The following TULP3 variants were observed in gnomAD, a reference collection of about 807,000 sequenced individuals.
TULP3 encodes tubby-related protein 3.
TULP3 carries 38 observed loss-of-function variants against 50.7 expected under a neutral mutation model. The observed-to-expected ratio is 0.75, with a 90% CI of 0.58 to 0.98. The LOEUF is 0.98. TULP3 is among the 50% of genes least tolerant of loss of function. The pLI is 0.00. For synonymous variants in TULP3, 183 were observed against 196.6 expected, an observed-to-expected ratio of 0.93 and a Z score of 0.58; for missense variants, 550 against 568.0, an observed-to-expected ratio of 0.97 and a Z score of 0.32.
chr12:2,896,232 G>A (rs1426405349), intron 1 of TULP3, among the ~76,000 whole-genome samples: 1 of 152,180 alleles, frequency 6.6e-6, no homozygotes, highest in East Asian at 1.9e-4. Flanking sequence ...GAGCCACTGT[G>A]CCTGGCTGAC....
In TULP3 at chr12:2,924,883, TA is replaced by T. The variant is rs898383530; in HGVS notation, c.394+2490del. Among the ~76,000 whole-genome samples, 118 of 148,628 alleles carry T rather than the reference TA, an allele frequency of 7.9e-4. No individual in the cohort carries two copies. In the Middle Eastern group the frequency reaches 0.01, roughly 13 times the overall value. The stretch of plus-strand genomic sequence containing the variant: ...ATAAAAATTAAAAATAAAAATTAAT[TA>T]AAAAAAAATAGGGCTGGGCGCTATG... On this transcript the variant is annotated intron_variant, in intron 4 of 10. Transcript: ENST00000448120.
intron 2 of TULP3, among the ~76,000 whole-genome samples, chr12:2,912,453 TC>T (rs1423083118): frequency 1.3e-5 from 2 of 152,152 alleles, no homozygotes; most frequent in African/African-American, 2.4e-5. Flanking sequence ...CGGTGGCACA[TC>T]CTAGCAGTTA....
intron 4 of TULP3, among the ~76,000 whole-genome samples, chr12:2,926,464 A>G (rs1383170419): frequency 1.3e-5 from 2 of 152,256 alleles, no homozygotes; most frequent in Non-Finnish European, 2.9e-5. Flanking sequence ...CCACCTGGGC[A>G]ACAGAGTGAA....
intron 1 of TULP3, among the ~76,000 whole-genome samples, chr12:2,893,614 C>T (rs2098173613): frequency 6.6e-6 from 1 of 152,028 alleles, no homozygotes; most frequent in Non-Finnish European, 1.5e-5. Flanking sequence ...AGCCCCCCAA[C>T]CCTGCCTGGC....
intron 2 of TULP3, among the ~76,000 whole-genome samples, chr12:2,912,016 A>T (rs2041310): frequency 0.48 from 72,424 of 151,660 alleles, 17,755 homozygotes; most frequent in African/African-American, 0.6. Context: ...AATGCCAATA[A>T]GTGCTTAAGA....
Position 2,940,366 on chromosome 12 carries a change from C to G in TULP3, c.*922C>G. The G allele has an allele frequency of 6.9e-7, 1 of 1,451,684 alleles. No individual in the cohort carries two copies. The highest frequency in any genetic ancestry group is 9.0e-7 in the Non-Finnish European group (1 of 1,107,908). 89.9% of individuals were successfully genotyped at this position (1,451,684 alleles called of 1,614,324 possible). A position where few individuals can be genotyped will look rare whatever the true frequency, so the allele number is the denominator to read the frequency against. On this transcript the variant is annotated 3_prime_UTR_variant, in exon 11 of 11. Transcript: ENST00000448120. ...TGGCAGGAGAGGCTTTGGGGAGGAT[C>G]AGCCAGCAGACATGAGCACTGCTGG...
chr12:2,940,634 C>A lies in TULP3; in HGVS notation c.*1190C>A. On this transcript the variant is annotated 3_prime_UTR_variant, in exon 11 of 11. Transcript: ENST00000448120. ...AACTGTTTGCCAGCGTTGGGTGGGA[C>A]ACCCGTGGCGGCTGCTCCCTCAGAC... 1 of 1,551,756 alleles carries A rather than the reference C, an allele frequency of 6.4e-7. No homozygotes were observed. The highest frequency in any genetic ancestry group is 8.7e-7 in the Non-Finnish European group (1 of 1,147,006).
In TULP3 at chr12:2,938,235, G is replaced by A. The variant is rs764071522; in HGVS notation, c.1145G>A (p.Arg382Gln). 7 of 1,614,108 alleles carry A rather than the reference G, an allele frequency of 4.3e-6. No homozygotes were observed. The highest frequency in any genetic ancestry group is 2.2e-5 in the South Asian group (2 of 91,076). ...TQSYVLNFRG[R>Q]VTQASVKNFQ... is the part of the protein sequence containing the mutation. ...TCCTATGTCCTCAACTTCCGTGGCCGGGTCACTCAGGCGTCTGTGAAGAAC... is the reference window on the plus strand; with the variant it reads ...TCCTATGTCCTCAACTTCCGTGGCCAGGTCACTCAGGCGTCTGTGAAGAAC... Residue 382 changes from arginine (R) to glutamine (Q), a missense_variant, in exon 10 of 11, where the codon CGG becomes CAG. Transcript: ENST00000448120.
chr12:2,927,366 AT>A lies in TULP3; in HGVS notation c.395-2864del, dbSNP rs71057864. ...GGACCTATGTTTTCAGTTGAGACTG[AT>A]TTTTTTTTTTTTTTTTTGAGACCAA... On this transcript the variant is annotated intron_variant, in intron 4 of 10. Transcript: ENST00000448120. Among the ~76,000 whole-genome samples, 454 of 105,178 alleles carry A rather than the reference AT, an allele frequency of 4.3e-3. 6 individuals carry two copies. Among genetic ancestry groups the A allele is most frequent in the African/African-American group, 0.01 (258 of 25,760 alleles). 69.0% of individuals were successfully genotyped at this position (105,178 alleles called of 152,430 possible).
In TULP3 at chr12:2,893,327, G is replaced by GGTT. The variant is rs1555110454; in HGVS notation, c.41+2339_41+2340insGTT. 2.5e-3 allele frequency among the ~76,000 whole-genome samples: 322 copies of GGTT among 128,166 alleles called. 3 individuals are homozygous for GGTT. Among genetic ancestry groups the GGTT allele is most frequent in the Middle Eastern group, 0.012 (3 of 252 alleles). 84.1% of individuals were successfully genotyped at this position (128,166 alleles called of 152,430 possible). A position where few individuals can be genotyped will look rare whatever the true frequency, so the allele number is the denominator to read the frequency against. On this transcript the variant is annotated intron_variant, in intron 1 of 10. Coordinates refer to ENST00000448120, the MANE Select transcript of TULP3 (RefSeq NM_003324.5). Reference sequence around the variant, plus strand: ...GGGCTTCAGGTTGTGTGTTTAATGTGTTTTTTTTTTTTTTTTTCCAAACGG... The same window carrying GGTT: ...GGGCTTCAGGTTGTGTGTTTAATGTGGTTTTTTTTTTTTTTTTTTTCCAAACGG...
rs536491982 is a variant in TULP3 at position 2,904,805 on chromosome 12, G to T, written c.42-4724G>T. On this transcript the variant is annotated intron_variant, in intron 1 of 10. Transcript: ENST00000448120. ...TAACTAAGTTAAAATGAAGGAAAGAGAATATTAACACAGGCCGGGCATGGT... is the reference window on the plus strand; with the variant it reads ...TAACTAAGTTAAAATGAAGGAAAGATAATATTAACACAGGCCGGGCATGGT... Among the ~76,000 whole-genome samples the T allele has an allele frequency of 2.6e-5, 4 of 152,194 alleles. No individual in the cohort carries two copies. The East Asian group carries it at 5.8e-4, about 22-fold the overall frequency.
intron 4 of TULP3, among the ~76,000 whole-genome samples, chr12:2,926,021 A>AT (rs1261248740): frequency 3.3e-5 from 5 of 152,192 alleles, no homozygotes; most frequent in Non-Finnish European, 5.9e-5. Context: ...AGTTTGGCAG[A>AT]TTATGTCCCT....
At chr12:2,914,786 C>G (rs544712313) in intron 2 of TULP3, among the ~76,000 whole-genome samples, 1 of 151,924 alleles carries the variant, frequency 6.6e-6, no homozygotes, top group African/African-American at 2.4e-5. Flanking sequence ...GAGTGCACCA[C>G]CACGCCTGGC....
intron 1 of TULP3, among the ~76,000 whole-genome samples, chr12:2,894,538 A>AACACACACACACACAC (rs56834874): frequency 1.6e-3 from 235 of 147,824 alleles, no homozygotes; most frequent in African/African-American, 5.5e-3. Context: ...CCGTCTCAAA[A>AACACACACACACACAC]ACACACACAC....
chr12:2,927,782 A>C (rs2098195546), intron 4 of TULP3, among the ~76,000 whole-genome samples: 1 of 152,216 alleles, frequency 6.6e-6, no homozygotes, highest in Non-Finnish European at 1.5e-5. Context: ...GTGCACAAAA[A>C]GTGGTTCAGA....
At chr12:2,930,194 A>G (rs1039504378) in intron 4 of TULP3, 54 bp from the exon 5 acceptor site, 71 of 1,240,686 alleles carry the variant, frequency 5.7e-5, no homozygotes, top group Admixed American at 1.8e-4. Flanking sequence ...CTTTGTTTCA[A>G]AGACCTTTTT....
chr12:2,939,300 T>G lies in TULP3; in HGVS notation c.1196-11T>G. ...TTATATTCTAACATGTTGATTTCTT[T>G]CTGTTTCTAGCTGATTATATAGTCA... On this transcript the variant is annotated splice_polypyrimidine_tract_variant and intron_variant, in intron 10 of 10. Coordinates refer to ENST00000448120, the MANE Select transcript of TULP3 (RefSeq NM_003324.5). This position sits in a 1 kb window ranked among gnomAD's most constrained non-coding sequence, Gnocchi z 4.0. The G allele has an allele frequency of 6.2e-7, 1 of 1,611,496 alleles. No homozygotes were observed. Among genetic ancestry groups the G allele is most frequent in the Non-Finnish European group, 8.5e-7 (1 of 1,179,388 alleles).
At chr12:2,899,208 G>A (rs2098177364) in intron 1 of TULP3, among the ~76,000 whole-genome samples, 2 of 151,964 alleles carry the variant, frequency 1.3e-5, no homozygotes, top group Admixed American at 1.3e-4. Context: ...AGCCGGGCAT[G>A]GTGGCCCATG....
intron 7 of TULP3, 120 bp downstream of exon 7, chr12:2,933,650 G>C: frequency 2.2e-5 from 10 of 454,688 alleles, no homozygotes; most frequent in Non-Finnish European, 2.9e-5. Context: ...TAAAAAAAAA[G>C]AAAAAGGAAA....
Sources: allele counts gnomAD v4.1 joint callset (sites outside exome capture counted in the v4.1 genomes callset), GRCh38; gene constraint gnomAD v4.1.1; non-coding constraint Gnocchi (gnomAD v3.1); transcripts MANE v1.5; gene names NCBI Gene and HGNC (gene_info 2026-07-23, HGNC 2026-07-21).